Variants in ADPGK observed in about 807,000 individuals in gnomAD.
ADPGK encodes the protein ADP dependent glucokinase.
Under a neutral mutation model 42.4 loss-of-function variants are expected in ADPGK, and 26 were observed. That is an observed-to-expected ratio of 0.61 (90% CI 0.45 to 0.85). The LOEUF is 0.85. Among genes scored for constraint, ADPGK ranks in the 40% least tolerant of loss-of-function variants. The pLI, the probability that ADPGK is intolerant of heterozygous loss-of-function variation, is 0.00. For synonymous variants in ADPGK, 267 were observed against 252.6 expected, an observed-to-expected ratio of 1.06 and a Z score of -0.54; for missense variants, 571 against 627.0, an observed-to-expected ratio of 0.91 and a Z score of 0.95.
At chr15:72,753,911 C>T (rs1453475102) in intron 6 of ADPGK, among the ~76,000 whole-genome samples, 1 of 152,082 alleles carries the variant, frequency 6.6e-6, no homozygotes, top group Non-Finnish European at 1.5e-5. Flanking sequence ...AAACTATGGA[C>T]TTTGGGTGCT....
In ADPGK at chr15:72,773,918, G is replaced by C. The variant is rs551066725; in HGVS notation, c.459+954C>G. Among the ~76,000 whole-genome samples, 5 of 152,138 alleles carry C rather than the reference G, an allele frequency of 3.3e-5. No individual in the cohort carries two copies. The East Asian group carries it at 9.7e-4, about 29-fold the overall frequency. On this transcript the variant is annotated intron_variant, in intron 2 of 6. Transcript: ENST00000456471. ...GGGTCACACCCTGTTGCCCAGACTG[G>C]AGTGAAGTGGCACGGTCATGGTTCA...
In ADPGK at chr15:72,752,535, T is replaced by C. The variant is rs562500254; in HGVS notation, c.1300A>G (p.Met434Val). Reference protein sequence around the residue: ...RVSLRAPQEFMTSHSEAGSRI... With the variant: ...RVSLRAPQEFVTSHSEAGSRI... ...GAGCCTGCCTCCGAATGGGAAGTCA[T>C]GAACTCTTGGGGTGCCCTCAGAGAC... Residue 434 changes from methionine (M) to valine (V), a missense_variant, in exon 7 of 7, where the codon ATG (methionine) becomes GTG (valine). Physicochemically the swap from Met to Val is conservative, Grantham distance 21. Transcript: ENST00000456471. 4 of 1,614,212 alleles carry C rather than the reference T, an allele frequency of 2.5e-6. No homozygotes were observed. The highest frequency in any genetic ancestry group is 2.2e-5 in the East Asian group (1 of 44,890).
intron 3 of ADPGK, among the ~76,000 whole-genome samples, chr15:72,771,285 A>G (rs569977577): frequency 6.6e-6 from 1 of 152,112 alleles, no homozygotes. Context: ...AGTGGCTTTT[A>G]TTTTTTGGCA....
intron 3 of ADPGK, among the ~76,000 whole-genome samples, chr15:72,765,979 G>A (rs571736927): frequency 6.6e-6 from 1 of 152,096 alleles, no homozygotes; most frequent in Non-Finnish European, 1.5e-5. Flanking sequence ...ATTTTTAGAA[G>A]TTTTTTAATT....
At chr15:72,778,861 G>T (rs1566965151) in intron 1 of ADPGK, among the ~76,000 whole-genome samples, 2 of 152,186 alleles carry the variant, frequency 1.3e-5, no homozygotes, top group Non-Finnish European at 2.9e-5. Flanking sequence ...CATCTAGATA[G>T]AAGAAAGGCG....
rs146173107 is a variant in ADPGK at position 72,758,668 on chromosome 15, CTCTT to C, written c.643+1735_643+1738del. ...TTATAAACCCAAGGATGGAGACACT[CTCTT>C]TGTGCGGTGAACTGTGCTGTCTCCT... On this transcript the variant is annotated intron_variant, in intron 4 of 6. Transcript: ENST00000456471. The C allele has an allele frequency of 4.4e-3, 783 of 176,166 alleles. 9 individuals carry two copies. The highest frequency in any genetic ancestry group is 0.017 in the African/African-American group (737 of 42,138). The allele number at this position is 176,166 out of a possible 1,614,324, so 10.9% of individuals were successfully genotyped here.
chr15:72,760,772 T>C (rs560401714), intron 3 of ADPGK, among the ~76,000 whole-genome samples: 4 of 152,294 alleles, frequency 2.6e-5, no homozygotes, highest in African/African-American at 9.6e-5. Flanking sequence ...AAGAACTGTG[T>C]CACAGCCGTC....
In ADPGK at chr15:72,752,355, G is replaced by A. The variant is rs771735552; in HGVS notation, c.1480C>T (p.His494Tyr). ...TAAGAATCTTCCTAATAGTGAGGGT[G>A]TACTTCCGAATAGAAGAGTCCTTCG... ...SAEGLFYSEV[H>Y]PHY Residue 494 changes from histidine (H) to tyrosine (Y), a missense_variant, in exon 7 of 7, where the codon CAC (histidine) becomes TAC (tyrosine). By Grantham distance (83) the His-to-Tyr change is moderately conservative. Transcript: ENST00000456471. 1 of 1,612,938 alleles carries A rather than the reference G, an allele frequency of 6.2e-7. No homozygotes were observed.
At chr15:72,758,223 A>G in intron 4 of ADPGK, 2 of 1,133,716 alleles carry the variant, frequency 1.8e-6, no homozygotes, top group East Asian at 4.7e-5. Context: ...GGGCAGATGC[A>G]AATGGATCTA....
chr15:72,761,791 C>A (rs2066196884), intron 3 of ADPGK, among the ~76,000 whole-genome samples: 1 of 152,042 alleles, frequency 6.6e-6, no homozygotes, highest in Admixed American at 6.6e-5. Context: ...CTTGACCTCC[C>A]AGGCTCAAGC....
At chr15:72,762,997 A>C (rs1321903156) in intron 3 of ADPGK, among the ~76,000 whole-genome samples, 1 of 152,152 alleles carries the variant, frequency 6.6e-6, no homozygotes, top group East Asian at 1.9e-4. Flanking sequence ...AACAGGAATA[A>C]ACTTAGTAAG....
At chr15:72,752,932 A>G (rs2066066805) in intron 6 of ADPGK, 37 bp from the exon 7 acceptor site, 2 of 1,563,230 alleles carry the variant, frequency 1.3e-6, no homozygotes, top group African/African-American at 1.4e-5. Context: ...TCTGATGGAG[A>G]TAACCTGGCT....
chr15:72,783,108 G>A (rs2066487592), intron 1 of ADPGK: 1 of 636,870 alleles, frequency 1.6e-6, no homozygotes, highest in Non-Finnish European at 2.0e-6. Context: ...TTGTCATAGT[G>A]GGTAAGGTCA....
intron 3 of ADPGK, among the ~76,000 whole-genome samples, chr15:72,763,581 A>G (rs1296947669): frequency 6.6e-6 from 1 of 152,234 alleles, no homozygotes; most frequent in Non-Finnish European, 1.5e-5. Flanking sequence ...AAATCTCTTT[A>G]AGAGATAACT....
chr15:72,767,072 A>G (rs1232073760), intron 3 of ADPGK, among the ~76,000 whole-genome samples: 5 of 152,220 alleles, frequency 3.3e-5, no homozygotes, highest in African/African-American at 9.7e-5. Context: ...AAAGATGCAA[A>G]TAGATTAAAA....
intron 6 of ADPGK, among the ~76,000 whole-genome samples, chr15:72,753,646 T>G (rs544288424): frequency 6.6e-6 from 1 of 152,338 alleles, no homozygotes; most frequent in East Asian, 1.9e-4. Flanking sequence ...TACATCTTTG[T>G]TGGAGCAATA....
intron 1 of ADPGK, among the ~76,000 whole-genome samples, chr15:72,778,515 A>T (rs543034348): frequency 1.3e-5 from 2 of 152,242 alleles, no homozygotes; most frequent in Admixed American, 6.5e-5. Flanking sequence ...TAAAAAATGT[A>T]TATTAGATGA....
At chr15:72,778,453 CAG>C (rs2066416522) in intron 1 of ADPGK, among the ~76,000 whole-genome samples, 1 of 152,042 alleles carries the variant, frequency 6.6e-6, no homozygotes, top group African/African-American at 2.4e-5. Flanking sequence ...GTTAAAGAAT[CAG>C]AAGACAAAAT....
At chr15:72,769,009 C>T (rs1356624424) in intron 3 of ADPGK, among the ~76,000 whole-genome samples, 1 of 150,754 alleles carries the variant, frequency 6.6e-6, no homozygotes, top group Non-Finnish European at 1.5e-5. Context: ...GGGGGAAACA[C>T]TTTCCAACTT....
Sources: allele counts gnomAD v4.1 joint callset (sites outside exome capture counted in the v4.1 genomes callset), GRCh38; gene constraint gnomAD v4.1.1; transcripts MANE v1.5; gene names NCBI Gene and HGNC (gene_info 2026-07-23, HGNC 2026-07-21).